Variants in TTLL8 observed in about 807,000 individuals in gnomAD.
TTLL8 encodes the protein tubulin tyrosine ligase like 8, also known as protein monoglycylase TTLL8.
In TTLL8, 65 loss-of-function variants were observed where a neutral mutation model predicts 77.8. The observed-to-expected ratio is 0.84, with a 90% CI of 0.68 to 1.03. TTLL8 has a LOEUF of 1.03. Ranked by LOEUF, TTLL8 falls within the 50% of genes least tolerant of loss-of-function variation. TTLL8 has a pLI of 0.00. For synonymous variants in TTLL8, 402 were observed against 422.8 expected (o/e 0.95, Z 0.60); for missense variants, 910 against 1,004.5 (o/e 0.91, Z 1.27).
chr22:50,041,957 G>T lies in TTLL8; in HGVS notation c.644-150C>A, dbSNP rs900179154. 1.4e-6 allele frequency: 1 copy of T among 699,520 alleles called. No homozygotes were observed. Among genetic ancestry groups the T allele is most frequent in the Middle Eastern group, 4.5e-4 (1 of 2,222 alleles). 43.3% of individuals were successfully genotyped at this position (699,520 alleles called of 1,614,324 possible). ...ACAAGTATCCCAGATCCCCAGACAG[G>T]CACCCCAATACCCAACCAAGCTTCT... On this transcript the variant is annotated intron_variant, in intron 6 of 13. Transcript: ENST00000266182. The surrounding 1 kb of genome is among the most constrained non-coding windows in gnomAD (Gnocchi z 4.3).
chr22:50,041,219 ACAT>A lies in TTLL8; in HGVS notation c.886_888del (p.Met296del), dbSNP rs1451231270. Reference sequence around the variant, plus strand: ...TCTCGGGCTGTGGGGGGCTCAAATGACATCATAACCTTCTGGATTTTGAAGATG... The same window carrying A: ...TCTCGGGCTGTGGGGGGCTCAAATGACATAACCTTCTGGATTTTGAAGATG... On this transcript the variant is annotated inframe_deletion, in exon 8 of 14. Coordinates refer to ENST00000266182, the Ensembl canonical transcript of TTLL8. This position sits in a 1 kb window ranked among gnomAD's most constrained non-coding sequence, Gnocchi z 4.3. 1 of 469,312 alleles carries A rather than the reference ACAT, an allele frequency of 2.1e-6. No individual in the cohort carries two copies. The allele number at this position is 469,312 out of a possible 1,614,324, so 29.1% of individuals were successfully genotyped here.
At chr22:50,055,189 T>C, upstream of TTLL8, 2 of 1,276,852 alleles carry the variant, frequency 1.6e-6, no homozygotes, top group Non-Finnish European at 2.0e-6. Context: ...AAATGTCCTT[T>C]TAAAAAAGTG....
In TTLL8 at chr22:50,050,107, A is replaced by G. The variant is rs758125117; in HGVS notation, c.190+2T>C. On this transcript the variant is annotated splice_donor_variant, in intron 2 of 13. Transcript: ENST00000266182. LOFTEE classifies it high-confidence loss of function. ...CTGAGACGTGCGCCTCCGATACGCT[A>G]CCATTGACCCGGGCGCCTTCATCCT... 6 of 1,366,592 alleles carry G rather than the reference A, an allele frequency of 4.4e-6. No individual in the cohort carries two copies. The Admixed American group carries it at 9.5e-5, about 22-fold the overall frequency. 84.7% of individuals were successfully genotyped at this position (1,366,592 alleles called of 1,614,324 possible).
upstream of TTLL8, chr22:50,056,757 T>C (rs1281117760): frequency 3.1e-6 from 4 of 1,283,404 alleles, no homozygotes; most frequent in Non-Finnish European, 4.1e-6. The surrounding 1 kb of genome is among the most constrained non-coding windows in gnomAD (Gnocchi z 4.1). Context: ...CTCAGTGAAG[T>C]GCCTGCCCCC....
intron 6 of TTLL8, 91 bp downstream of exon 8, chr22:50,045,164 T>A: frequency 8.0e-7 from 1 of 1,256,120 alleles, no homozygotes; most frequent in African/African-American, 1.5e-5. Context: ...GCTGCAACCC[T>A]CAGGACTGAC....
At chr22:50,048,678 C>A (rs1287999428) in intron 3 of TTLL8, among the ~76,000 whole-genome samples, 2 of 152,168 alleles carry the variant, frequency 1.3e-5, no homozygotes, top group Non-Finnish European at 2.9e-5. Flanking sequence ...CAAATCTGGG[C>A]CCATTTTTCT....
intron 12 of TTLL8, chr22:50,027,741 G>T: frequency 2.0e-6 from 2 of 985,446 alleles, no homozygotes; most frequent in Non-Finnish European, 2.4e-6. Context: ...CGGTGCGGTT[G>T]CCTGACTGTC....
At chr22:50,051,995 C>T (rs2061445947) in intron 1 of TTLL8, among the ~76,000 whole-genome samples, 1 of 152,172 alleles carries the variant, frequency 6.6e-6, no homozygotes, top group African/African-American at 2.4e-5. Flanking sequence ...ACAGCTGTAG[C>T]TGGGAACCCT....
intron 12 of TTLL8, among the ~76,000 whole-genome samples, chr22:50,020,929 C>T (rs558565394): frequency 1.1e-3 from 154 of 142,600 alleles, no homozygotes; most frequent in Non-Finnish European, 1.8e-3. Context: ...TGAATGTGTA[C>T]TCCTCCATCT....
chr22:50,033,492 C>T (rs757168142), intron 9 of TTLL8, 47 bp from the exon 11 acceptor site: 14 of 1,323,854 alleles, frequency 1.1e-5, no homozygotes, highest in African/African-American at 1.0e-4. Flanking sequence ...CACTGTGCAG[C>T]GGGACCTGAG....
upstream of TTLL8, among the ~76,000 whole-genome samples, chr22:50,058,118 C>T (rs545368351): frequency 9.9e-4 from 150 of 151,876 alleles, 1 homozygote; most frequent in South Asian, 0.018. This position sits in a 1 kb window ranked among gnomAD's most constrained non-coding sequence, Gnocchi z 4.2. Context: ...GAAGCGCGGA[C>T]GGGCCTGGGG....
In TTLL8 at chr22:50,034,107, AG is replaced by A. The variant is rs2061318342; in HGVS notation, c.1039+237del. ...ATAGACCAGTTTGTGAATACAAAGG[AG>A]GAAATCCTGATTAACCCATCAACCC... On this transcript the variant is annotated intron_variant, in intron 9 of 13. Transcript: ENST00000266182. This position sits in a 1 kb window ranked among gnomAD's most constrained non-coding sequence, Gnocchi z 4.1. Among the ~76,000 whole-genome samples, 1 of 152,250 alleles carries A rather than the reference AG, an allele frequency of 6.6e-6. No homozygotes were observed. Among genetic ancestry groups the A allele is most frequent in the South Asian group, 2.1e-4 (1 of 4,834 alleles).
intron 4 of TTLL8, 74 bp from the exon 7 acceptor site, chr22:50,046,044 G>A: frequency 7.9e-7 from 1 of 1,262,206 alleles, no homozygotes; most frequent in Non-Finnish European, 1.0e-6. Context: ...GGCGAGGACG[G>A]GCCGTCCACC....
chr22:50,055,680 C>T (rs966752522), upstream of TTLL8, among the ~76,000 whole-genome samples: 2 of 150,110 alleles, frequency 1.3e-5, no homozygotes, highest in East Asian at 2.0e-4. Flanking sequence ...AAAAGACATT[C>T]GTCTGATGAG....
intron 8 of TTLL8, among the ~76,000 whole-genome samples, chr22:50,036,225 G>A (rs983364799): frequency 1.3e-5 from 2 of 152,182 alleles, no homozygotes; most frequent in Admixed American, 6.5e-5. Context: ...GACCCCCTCC[G>A]GCAGCAGCCG....
At chr22:50,039,924 G>A (rs919710730) in intron 8 of TTLL8, among the ~76,000 whole-genome samples, 18 of 149,744 alleles carry the variant, frequency 1.2e-4, no homozygotes, top group African/African-American at 4.0e-4. Flanking sequence ...CAGTGTGGAC[G>A]GACCTCACGG....
intron 1 of TTLL8, among the ~76,000 whole-genome samples, chr22:50,051,523 A>G (rs2061443605): frequency 6.6e-6 from 1 of 152,184 alleles, no homozygotes; most frequent in African/African-American, 2.4e-5. Context: ...TTTTTGTATC[A>G]TGACTTCTTA....
At chr22:50,032,355 C>T (rs1009735484) in intron 10 of TTLL8, among the ~76,000 whole-genome samples, 8 of 152,302 alleles carry the variant, frequency 5.3e-5, no homozygotes, top group Middle Eastern at 3.4e-3. Flanking sequence ...CAGAAATGGG[C>T]GCTGGCAGGG....
intron 8 of TTLL8, among the ~76,000 whole-genome samples, chr22:50,036,579 G>A (rs900645545): frequency 2.8e-4 from 42 of 151,432 alleles, no homozygotes; most frequent in Non-Finnish European, 7.4e-5. Context: ...GCTCCTTTGT[G>A]TGTGGCCTCT....
Sources: gnomAD v4.1 joint callset for allele counts (sites outside exome capture counted in the v4.1 genomes callset) on GRCh38, gnomAD v4.1.1 for gene constraint, Gnocchi (gnomAD v3.1) non-coding constraint, MANE v1.5 for transcripts, NCBI Gene and HGNC (gene_info 2026-07-23, HGNC 2026-07-21) for gene names.